KCNG2: variants seen among roughly 807,000 people sequenced by gnomAD.
The protein encoded by KCNG2 is voltage-gated potassium channel regulatory subunit KCNG2.
In KCNG2, 7 loss-of-function variants were observed where a neutral mutation model predicts 12.3. The observed-to-expected ratio is 0.57, with a 90% CI of 0.32 to 1.07. The LOEUF is 1.07. KCNG2 is among the 50% of genes least tolerant of loss of function. KCNG2 has a pLI of 0.04. For synonymous variants in KCNG2, 414 were observed against 351.4 expected, an observed-to-expected ratio of 1.18 and a Z score of -1.99; for missense variants, 703 against 726.0, an observed-to-expected ratio of 0.97 and a Z score of 0.36.
At chr18:79,837,245 A>G (rs1978337338) in intron 1 of KCNG2, among the ~76,000 whole-genome samples, 1 of 152,206 alleles carries the variant, frequency 6.6e-6, no homozygotes, top group Non-Finnish European at 1.5e-5. Flanking sequence ...CATGTCTCAC[A>G]TCCAGGTCAC....
intron 3 of KCNG2, among the ~76,000 whole-genome samples, chr18:79,887,703 C>T (rs112274304): frequency 1.2e-4 from 18 of 152,310 alleles, no homozygotes; most frequent in African/African-American, 3.6e-4. Context: ...GCTCTGGCCA[C>T]GAGCCTCCTG....
rs554098112 is a variant in KCNG2 at position 79,827,631 on chromosome 18, GGGA to G, written c.-114-28746_-114-28744del. 3.9e-4 allele frequency among the ~76,000 whole-genome samples: 60 copies of G among 152,274 alleles called. No individual in the cohort carries two copies. In the Middle Eastern group the frequency reaches 0.014, roughly 35 times the overall value. ...GGCTCAGGATGGAGCGGGAAGCGCG[GGGA>G]GAAGAGCGGGGACTCAGCCTCCCCC... On this transcript the variant is annotated intron_variant, in intron 1 of 3. Coordinates refer to ENST00000316249, the MANE Select transcript of KCNG2 (RefSeq NM_012283.2).
chr18:79,899,005 C>T, intron 3 of KCNG2, 35 bp from the exon 4 acceptor site: 2 of 1,457,530 alleles, frequency 1.4e-6, no homozygotes, highest in Non-Finnish European at 1.8e-6. Context: ...TCCAAGAGGC[C>T]TGCGCCCCCA....
At chr18:79,896,801 G>A (rs1273356781) in intron 3 of KCNG2, among the ~76,000 whole-genome samples, 9 of 152,068 alleles carry the variant, frequency 5.9e-5, no homozygotes, top group Non-Finnish European at 8.8e-5. Context: ...TGTTTACCTG[G>A]GAAAGTGTTT....
At chr18:79,873,679 G>A (rs1477664164) in intron 3 of KCNG2, among the ~76,000 whole-genome samples, 1 of 152,292 alleles carries the variant, frequency 6.6e-6, no homozygotes, top group South Asian at 2.1e-4. Flanking sequence ...GTGTCTGTTC[G>A]CGGCATCTGA....
At chr18:79,878,572 C>T (rs1038063552) in intron 3 of KCNG2, among the ~76,000 whole-genome samples, 1 of 152,254 alleles carries the variant, frequency 6.6e-6, no homozygotes, top group African/African-American at 2.4e-5. Context: ...GTGCTGCATT[C>T]CTCCCCTTGG....
chr18:79,898,152 A>G (rs1175684205), intron 3 of KCNG2, among the ~76,000 whole-genome samples: 5 of 151,994 alleles, frequency 3.3e-5, no homozygotes, highest in Admixed American at 3.3e-4. Context: ...TTCGGTGTAA[A>G]CTTCTTCATG....
chr18:79,820,505 G>T (rs1275552362), intron 1 of KCNG2, among the ~76,000 whole-genome samples: 1 of 152,156 alleles, frequency 6.6e-6, no homozygotes, highest in Non-Finnish European at 1.5e-5. Context: ...GATGTGAAGC[G>T]ATAGCTCATA....
rs949371428 is a variant in KCNG2, at chr18:79,899,802, C to T, written c.1387C>T (p.Arg463Trp). 9.9e-6 allele frequency: 14 copies of T among 1,413,242 alleles called. No homozygotes were observed. Among genetic ancestry groups the T allele is most frequent in the South Asian group, 1.5e-5 (1 of 64,824 alleles). 87.5% of individuals were successfully genotyped at this position (1,413,242 alleles called of 1,614,324 possible). Residue 463 changes from arginine to tryptophan, a missense_variant, in exon 4 of 4, where the codon CGG becomes TGG. By Grantham distance (101) the Arg-to-Trp change is moderately radical. Transcript: ENST00000316249. ...CGACTCCGCGGATGCGCTGTGGGTG[C>T]GGGCAGGGCGCTGACGCCTGCGCCG... ...ADDSADALWV[R>W]AGR is the part of the protein sequence containing the mutation.
In KCNG2 at chr18:79,899,863, C is replaced by T. The variant is rs763919367; in HGVS notation, c.*47C>T. On this transcript the variant is annotated 3_prime_UTR_variant, in exon 4 of 4. Coordinates refer to ENST00000316249, the MANE Select transcript of KCNG2 (RefSeq NM_012283.2). Reference sequence around the variant, plus strand: ...GACCCCCTGCCCCCTCCAGCTGCAGCGTCGGGACCCCCGAGGTGCGCCAAG... The same window carrying T: ...GACCCCCTGCCCCCTCCAGCTGCAGTGTCGGGACCCCCGAGGTGCGCCAAG... 7.7e-6 allele frequency: 10 copies of T among 1,295,294 alleles called. No homozygotes were observed. Among genetic ancestry groups the T allele is most frequent in the South Asian group, 4.6e-5 (2 of 43,898 alleles). 80.2% of individuals were successfully genotyped at this position (1,295,294 alleles called of 1,614,324 possible). A position where few individuals can be genotyped will look rare whatever the true frequency, so the allele number is the denominator to read the frequency against.
Position 79,800,845 on chromosome 18 carries a change from C to G in KCNG2, c.-115+2831C>G, listed in dbSNP as rs1290656765. On this transcript the variant is annotated intron_variant, in intron 1 of 3. Coordinates refer to ENST00000316249, the MANE Select transcript of KCNG2 (RefSeq NM_012283.2). The surrounding 1 kb of genome is among the most constrained non-coding windows in gnomAD (Gnocchi z 4.0). ...AGCGAGGGGCACCCGAAGCAAATGT[C>G]AAGTCAAAATGGGTCCCCGGCGGGG... is the stretch of plus-strand genomic sequence containing the variant. 1.3e-5 allele frequency among the ~76,000 whole-genome samples: 2 copies of G among 152,240 alleles called. No individual in the cohort carries two copies. The highest frequency in any genetic ancestry group is 2.4e-5 in the African/African-American group (1 of 41,466).
intron 1 of KCNG2, among the ~76,000 whole-genome samples, chr18:79,834,635 G>C (rs1013459392): frequency 1.3e-5 from 2 of 152,236 alleles, no homozygotes; most frequent in Non-Finnish European, 2.9e-5. Context: ...GGAAACCAGT[G>C]TATCAAGTGA....
chr18:79,856,529 G>T (rs1599396565), intron 2 of KCNG2, among the ~76,000 whole-genome samples, 77 bp downstream of exon 2: 1 of 152,190 alleles, frequency 6.6e-6, no homozygotes, highest in Non-Finnish European at 1.5e-5. Context: ...CAGAGAGAGG[G>T]TCTTCTTGGT....
chr18:79,850,070 C>T (rs968208729), intron 1 of KCNG2, among the ~76,000 whole-genome samples: 9 of 152,362 alleles, frequency 5.9e-5, no homozygotes, highest in African/African-American at 2.2e-4. Context: ...TCTGCCTCCC[C>T]GCTACCCTCA....
At chr18:79,819,293 C>T (rs2087553747) in intron 1 of KCNG2, among the ~76,000 whole-genome samples, 1 of 152,208 alleles carries the variant, frequency 6.6e-6, no homozygotes, top group Non-Finnish European at 1.5e-5. Context: ...GGCGGGCCAG[C>T]CTCAGCCCAG....
chr18:79,880,052 G>A (rs1423829289), intron 3 of KCNG2, among the ~76,000 whole-genome samples: 2 of 152,202 alleles, frequency 1.3e-5, no homozygotes, highest in Non-Finnish European at 2.9e-5. Context: ...CTGTGAACGC[G>A]CATGAGTTAT....
intron 1 of KCNG2, among the ~76,000 whole-genome samples, chr18:79,855,475 G>C (rs1438544457): frequency 6.6e-6 from 1 of 152,044 alleles, no homozygotes; most frequent in Non-Finnish European, 1.5e-5. Flanking sequence ...TTCTCTGCTT[G>C]GTTCTGTCAG....
In KCNG2 at chr18:79,817,402, G is replaced by A. The variant is rs572724559; in HGVS notation, c.-115+19388G>A. Among the ~76,000 whole-genome samples, 8 of 152,116 alleles carry A rather than the reference G, an allele frequency of 5.3e-5. No individual in the cohort carries two copies. In the East Asian group the frequency reaches 9.7e-4, roughly 18 times the overall value. On this transcript the variant is annotated intron_variant, in intron 1 of 3. Coordinates refer to ENST00000316249, the MANE Select transcript of KCNG2 (RefSeq NM_012283.2). ...CCTGGCTGTCACACATGGTTGTCACGTTATCAGATGTGCTTGTCAGACACA... is the reference window on the plus strand; with the variant it reads ...CCTGGCTGTCACACATGGTTGTCACATTATCAGATGTGCTTGTCAGACACA...
At chr18:79,851,471 C>T (rs900785990) in intron 1 of KCNG2, among the ~76,000 whole-genome samples, 2 of 152,146 alleles carry the variant, frequency 1.3e-5, no homozygotes, top group South Asian at 2.1e-4. Context: ...GGAGTAGCTC[C>T]GGCTGGAGCG....
Sources: gnomAD v4.1 joint callset for allele counts (sites outside exome capture counted in the v4.1 genomes callset) on GRCh38, gnomAD v4.1.1 for gene constraint, Gnocchi (gnomAD v3.1) non-coding constraint, MANE v1.5 for transcripts, NCBI Gene and HGNC (gene_info 2026-07-23, HGNC 2026-07-21) for gene names.